The following DHCR7 variants were observed in gnomAD, a reference collection of about 807,000 sequenced individuals.
DHCR7 encodes 7-dehydrocholesterol reductase.
A neutral mutation model predicts 43.3 loss-of-function variants in DHCR7; 40 were observed. That is an observed-to-expected ratio of 0.92 (90% CI 0.72 to 1.20). The LOEUF is 1.20. DHCR7 is among the 50% of genes most tolerant of loss of function. DHCR7 has a pLI of 0.00. For missense variants in DHCR7, 608 were observed against 644.6 expected, an observed-to-expected ratio of 0.94 and a Z score of 0.62; for synonymous variants, 298 against 271.4, an observed-to-expected ratio of 1.10 and a Z score of -0.96.
chr11:71,431,729 A>G (rs1949229124), downstream of DHCR7, among the ~76,000 whole-genome samples: 1 of 152,246 alleles, frequency 6.6e-6, no homozygotes, highest in Non-Finnish European at 1.5e-5. Flanking sequence ...AAAATACAGA[A>G]AAAAACCACT....
At chr11:71,430,454 C>T (rs994984547), downstream of DHCR7, among the ~76,000 whole-genome samples, 1 of 152,008 alleles carries the variant, frequency 6.6e-6, no homozygotes, top group Non-Finnish European at 1.5e-5. Context: ...GACCCCAAAG[C>T]CCCAGAGGCA....
chr11:71,443,941 A>C, intron 4 of DHCR7, 52 bp downstream of exon 4: 1 of 1,421,608 alleles, frequency 7.0e-7, no homozygotes, highest in East Asian at 2.3e-5. Flanking sequence ...CCCCAGCAGG[A>C]GGGCACGCTC....
downstream of DHCR7, among the ~76,000 whole-genome samples, chr11:71,427,979 C>T (rs1949208546): frequency 6.6e-6 from 1 of 152,148 alleles, no homozygotes; most frequent in African/African-American, 2.4e-5. Context: ...CAGTGACCTG[C>T]TCTTATCAAT....
rs886042362 is a variant in DHCR7 at position 71,435,454 on chromosome 11, CG to C, written c.1348del (p.Arg450AlafsTer31). Reference protein sequence around the residue: ...LTHRCLRDEHRCASKYGRDWE... With the variant: ...LTHRCLRDEHXCASKYGRDWE... ...GTCCCGGCCGTACTTGCTGGCGCAG[CG>C]GTGCTCGTCCCGGAGGCAGCGGTGG... On this transcript the variant is annotated frameshift_variant, in exon 9 of 9. Transcript: ENST00000355527. LOFTEE classifies it high-confidence loss of function. 6.2e-6 allele frequency: 10 copies of C among 1,612,660 alleles called. No individual in the cohort carries two copies. The highest frequency in any genetic ancestry group is 6.8e-6 in the Non-Finnish European group (8 of 1,179,974).
chr11:71,445,598 T>A (rs1452552278), intron 2 of DHCR7, among the ~76,000 whole-genome samples: 1 of 152,218 alleles, frequency 6.6e-6, no homozygotes, highest in African/African-American at 2.4e-5. Context: ...GGGCAGGAAT[T>A]GTGTGTCCTC....
At chr11:71,431,863 C>T (rs1412486690), downstream of DHCR7, among the ~76,000 whole-genome samples, 2 of 152,128 alleles carry the variant, frequency 1.3e-5, no homozygotes, top group African/African-American at 4.8e-5. Context: ...GCTCTGTTGG[C>T]CCAGGCTGGA....
chr11:71,439,255 C>T (rs149207905), intron 6 of DHCR7, among the ~76,000 whole-genome samples, 172 bp from the exon 7 acceptor site: 8 of 152,204 alleles, frequency 5.3e-5, no homozygotes, highest in African/African-American at 1.9e-4. Context: ...GAATGCTTGT[C>T]GGCTGGTTCC....
chr11:71,436,010 G>C, intron 8 of DHCR7, 171 bp from the exon 9 acceptor site: 1 of 642,184 alleles, frequency 1.6e-6, no homozygotes, highest in Non-Finnish European at 2.8e-6. Flanking sequence ...GGCTGTTGTG[G>C]TCATTAAATG....
chr11:71,435,249 G>T lies in DHCR7; in HGVS notation c.*126C>A. The T allele has an allele frequency of 9.9e-7, 1 of 1,008,264 alleles. No individual in the cohort carries two copies. 62.5% of individuals were successfully genotyped at this position (1,008,264 alleles called of 1,614,324 possible). A position where few individuals can be genotyped will look rare whatever the true frequency, so the allele number is the denominator to read the frequency against. On this transcript the variant is annotated 3_prime_UTR_variant, in exon 9 of 9. Coordinates refer to ENST00000355527, the MANE Select transcript of DHCR7 (RefSeq NM_001360.3). ...AGGTACTGGACACCTGCCAAGTGCT[G>T]GGCTCTCTCCAGTTTACAGATGAGG... is the stretch of plus-strand genomic sequence containing the variant.
At position 71,444,222 on chromosome 11, in the gene DHCR7, G is replaced by A. The variant is rs1177383343; in HGVS notation, c.99-7C>T. On this transcript the variant is annotated splice_polypyrimidine_tract_variant and splice_region_variant and intron_variant, in intron 3 of 8. Coordinates refer to ENST00000355527, the MANE Select transcript of DHCR7 (RefSeq NM_001360.3). ...TGAAAACCAGTCCACCTCCCTGCGA[G>A]GACGGATGCAGGCAGTCACACTGGG... 5 of 1,572,020 alleles carry A rather than the reference G, an allele frequency of 3.2e-6. No individual in the cohort carries two copies. The African/African-American group carries it at 5.4e-5, about 17-fold the overall frequency.
intron 6 of DHCR7, among the ~76,000 whole-genome samples, chr11:71,439,858 G>A (rs577323932): frequency 2.0e-5 from 3 of 152,170 alleles, no homozygotes; most frequent in African/African-American, 7.2e-5. Context: ...GGCCAGCCTC[G>A]TTATCTGATA....
At chr11:71,436,436 G>A (rs542021367) in intron 8 of DHCR7, among the ~76,000 whole-genome samples, 68 of 152,302 alleles carry the variant, frequency 4.5e-4, no homozygotes, top group African/African-American at 1.4e-3. Flanking sequence ...AGGCCAAGGC[G>A]GGCGGATCAC....
downstream of DHCR7, among the ~76,000 whole-genome samples, chr11:71,431,606 C>T (rs530339113): frequency 2.0e-5 from 3 of 152,298 alleles, no homozygotes; most frequent in East Asian, 1.9e-4. Flanking sequence ...CTGCTTAGGG[C>T]AGGAAGGTCT....
downstream of DHCR7, among the ~76,000 whole-genome samples, chr11:71,433,933 C>T (rs572430055): frequency 5.3e-4 from 80 of 152,306 alleles, 1 homozygote; most frequent in African/African-American, 1.9e-3. Flanking sequence ...TCAGCCTGGG[C>T]GGGTCACAGT....
intron 2 of DHCR7, among the ~76,000 whole-genome samples, chr11:71,447,036 A>C (rs1949412234): frequency 6.6e-6 from 1 of 152,188 alleles, no homozygotes; most frequent in Non-Finnish European, 1.5e-5. Flanking sequence ...GTTTCTTCCC[A>C]GCCAAAACTT....
In DHCR7 at chr11:71,438,071, T is replaced by C; in HGVS notation, c.832-128A>G. ...AGCTGCTCAGCAACTTCCTCAATGC[T>C]GGGGCTGTTCCTTCCCTGCGGCTGG... On this transcript the variant is annotated intron_variant, in intron 7 of 8. Coordinates refer to ENST00000355527, the MANE Select transcript of DHCR7 (RefSeq NM_001360.3). 9 of 1,107,516 alleles carry C rather than the reference T, an allele frequency of 8.1e-6. No individual in the cohort carries two copies. The South Asian group carries it at 1.0e-4, about 13-fold the overall frequency. The allele number at this position is 1,107,516 out of a possible 1,614,324, so 68.6% of individuals were successfully genotyped here.
At chr11:71,443,735 C>A (rs529516351) in intron 4 of DHCR7, among the ~76,000 whole-genome samples, 2 of 152,302 alleles carry the variant, frequency 1.3e-5, no homozygotes, top group African/African-American at 4.8e-5. Context: ...CTTGTCCCTG[C>A]AGAGCTGGGC....
downstream of DHCR7, among the ~76,000 whole-genome samples, chr11:71,432,971 G>A (rs1204140897): frequency 6.6e-6 from 1 of 152,260 alleles, no homozygotes; most frequent in East Asian, 1.9e-4. Context: ...CGAAGGTTGA[G>A]GTTGGAGAGG....
At chr11:71,446,065 A>G (rs1214991028) in intron 2 of DHCR7, among the ~76,000 whole-genome samples, 2 of 152,192 alleles carry the variant, frequency 1.3e-5, no homozygotes, top group Admixed American at 6.5e-5. Flanking sequence ...GCAAGTCCCA[A>G]GAGGACAGCT....
Sources: gnomAD v4.1 joint callset for allele counts (sites outside exome capture counted in the v4.1 genomes callset) on GRCh38, gnomAD v4.1.1 for gene constraint, MANE v1.5 for transcripts, NCBI Gene and HGNC (gene_info 2026-07-23, HGNC 2026-07-21) for gene names.